The following TAFA2 variants were observed in gnomAD, a reference collection of about 807,000 sequenced individuals.
TAFA2 encodes TAFA chemokine like family member 2.
TAFA2 carries 7 observed loss-of-function variants against 18.8 expected under a neutral mutation model. The observed-to-expected ratio is 0.37, with a 90% CI of 0.21 to 0.70. TAFA2 has a LOEUF of 0.70. Ranked by LOEUF, TAFA2 falls within the 30% of genes least tolerant of loss-of-function variation. The pLI, the probability that TAFA2 is intolerant of heterozygous loss-of-function variation, is 0.53. For synonymous variants in TAFA2, 60 were observed against 54.2 expected (o/e 1.11, Z -0.47); for missense variants, 122 against 158.1 (o/e 0.77, Z 1.23).
intron 1 of TAFA2, among the ~76,000 whole-genome samples, chr12:61,997,182 T>TGC (rs1880221820): frequency 6.6e-6 from 1 of 151,170 alleles, no homozygotes; most frequent in Non-Finnish European, 1.5e-5. Context: ...TGTGTGTGTG[T>TGC]GTGTGTGTGT....
chr12:61,964,325 T>C (rs1878995927), intron 1 of TAFA2, among the ~76,000 whole-genome samples: 1 of 151,920 alleles, frequency 6.6e-6, no homozygotes, highest in Non-Finnish European at 1.5e-5. Flanking sequence ...CCTTCCTCAC[T>C]ATATATTCCT....
intron 2 of TAFA2, among the ~76,000 whole-genome samples, chr12:61,829,182 G>T (rs1369353427): frequency 6.6e-5 from 10 of 151,710 alleles, no homozygotes; most frequent in Non-Finnish European, 1.5e-4. Context: ...ATATAAGAAG[G>T]TAGATATTTT....
intron 2 of TAFA2, among the ~76,000 whole-genome samples, chr12:61,760,697 T>C (rs1869504653): frequency 6.6e-6 from 1 of 151,838 alleles, no homozygotes; most frequent in Admixed American, 6.6e-5. Context: ...TCTACACAGA[T>C]TCAGACAGAG....
At chr12:61,711,405 G>T (rs891638344) in intron 4 of TAFA2, among the ~76,000 whole-genome samples, 1 of 151,884 alleles carries the variant, frequency 6.6e-6, no homozygotes, top group Non-Finnish European at 1.5e-5. Flanking sequence ...CTAATATCAG[G>T]CAGGGTATTT....
chr12:62,116,673 C>T (rs1317624833), intron 1 of TAFA2, among the ~76,000 whole-genome samples: 1 of 150,120 alleles, frequency 6.7e-6, no homozygotes, highest in Non-Finnish European at 1.5e-5. Context: ...GTAGGCTTTA[C>T]TGTTGTGTCC....
chr12:61,967,455 G>T (rs538997176), intron 1 of TAFA2, among the ~76,000 whole-genome samples: 90 of 151,938 alleles, frequency 5.9e-4, no homozygotes, highest in African/African-American at 2.1e-3. Flanking sequence ...CTAGTGAAAT[G>T]ATTTGATTCT....
At chr12:62,119,303 A>G (rs1870095455) in intron 1 of TAFA2, among the ~76,000 whole-genome samples, 1 of 152,188 alleles carries the variant, frequency 6.6e-6, no homozygotes, top group Non-Finnish European at 1.5e-5. Context: ...AAATTTGCAT[A>G]GTAGGAGTTG....
chr12:61,831,078 G>A (rs1469905364), intron 2 of TAFA2, among the ~76,000 whole-genome samples: 2 of 152,012 alleles, frequency 1.3e-5, no homozygotes, highest in Non-Finnish European at 2.9e-5. Flanking sequence ...GGTCACCCTA[G>A]ACAAATGATT....
chr12:61,791,426 G>A (rs2120927456), intron 2 of TAFA2, among the ~76,000 whole-genome samples: 1 of 151,862 alleles, frequency 6.6e-6, no homozygotes, highest in African/African-American at 2.4e-5. Context: ...AATCAGCAGA[G>A]TGAAGAGAAA....
chr12:62,208,439 T>TA (rs1428716810), intron 1 of TAFA2, among the ~76,000 whole-genome samples: 5 of 151,700 alleles, frequency 3.3e-5, no homozygotes, highest in Non-Finnish European at 5.9e-5. Context: ...TTCTGTAGTA[T>TA]AAGGCAGCAG....
At position 62,126,660 on chromosome 12, in the gene TAFA2, C is replaced by A. The variant is rs142154226; in HGVS notation, c.-2+64599G>T. ...ATGCTGAGAGAATCAAGGTATGAAA[C>A]AGCATAGTATGAATGCATAAGTATA... On this transcript the variant is annotated intron_variant, in intron 1 of 4. Transcript: ENST00000416284. Among the ~76,000 whole-genome samples, 1,043 of 151,974 alleles carry A rather than the reference C, an allele frequency of 6.9e-3. 17 individuals carry two copies. The highest frequency in any genetic ancestry group is 0.024 in the African/African-American group (984 of 41,424).
intron 1 of TAFA2, among the ~76,000 whole-genome samples, chr12:61,971,770 G>T (rs1555180063): frequency 6.8e-6 from 1 of 148,088 alleles, no homozygotes; most frequent in Admixed American, 6.7e-5. Flanking sequence ...AATACCTAAT[G>T]TAAATGACGA....
At chr12:61,871,875 A>G (rs1456766468) in intron 1 of TAFA2, among the ~76,000 whole-genome samples, 1 of 152,046 alleles carries the variant, frequency 6.6e-6, no homozygotes, top group Non-Finnish European at 1.5e-5. Flanking sequence ...GGTGGATCAC[A>G]AGGTCAGGAG....
At chr12:62,109,538 G>A (rs544553687) in intron 1 of TAFA2, among the ~76,000 whole-genome samples, 10 of 152,162 alleles carry the variant, frequency 6.6e-5, no homozygotes, top group Non-Finnish European at 1.5e-4. Flanking sequence ...TAGCTTGATG[G>A]GGATAACATT....
At chr12:61,844,469 A>G (rs530483150) in intron 2 of TAFA2, among the ~76,000 whole-genome samples, 1 of 152,230 alleles carries the variant, frequency 6.6e-6, no homozygotes, top group Non-Finnish European at 1.5e-5. Context: ...ATATTTTCAA[A>G]TGATTATTAA....
chr12:61,988,542 C>T (rs1226248480), intron 1 of TAFA2, among the ~76,000 whole-genome samples: 1 of 152,160 alleles, frequency 6.6e-6, no homozygotes, highest in Non-Finnish European at 1.5e-5. Flanking sequence ...ATAATGTCTT[C>T]AATCACTCAT....
intron 1 of TAFA2, among the ~76,000 whole-genome samples, chr12:61,902,926 C>A (rs374410588): frequency 6.6e-6 from 1 of 152,068 alleles, no homozygotes. Context: ...TGTGATTTCT[C>A]CCTTTCCCTC....
At chr12:61,784,673 G>A (rs1870649589) in intron 2 of TAFA2, among the ~76,000 whole-genome samples, 1 of 147,922 alleles carries the variant, frequency 6.8e-6, no homozygotes, top group Admixed American at 6.8e-5. Context: ...GAGTTTTGAT[G>A]TATCTTGTGA....
At chr12:61,793,857 C>T (rs536733917) in intron 2 of TAFA2, among the ~76,000 whole-genome samples, 1 of 151,738 alleles carries the variant, frequency 6.6e-6, no homozygotes, top group African/African-American at 2.4e-5. Flanking sequence ...AAAATAAATC[C>T]AACAATACAT....
Sources: allele counts gnomAD v4.1 joint callset (sites outside exome capture counted in the v4.1 genomes callset), GRCh38; gene constraint gnomAD v4.1.1; transcripts MANE v1.5; gene names NCBI Gene and HGNC (gene_info 2026-07-23, HGNC 2026-07-21).